The following ACBD5 variants were observed in gnomAD, a reference collection of about 807,000 sequenced individuals.
ACBD5 encodes the protein acyl-CoA binding domain containing 5.
Under a neutral mutation model 71.8 loss-of-function variants are expected in ACBD5, and 40 were observed. The ratio of observed to expected loss-of-function variants is 0.56; its 90% CI spans 0.43 to 0.72. ACBD5 has a LOEUF of 0.72. Among genes scored for constraint, ACBD5 ranks in the 30% least tolerant of loss-of-function variants. ACBD5 has a pLI of 0.00. For missense variants in ACBD5, 559 were observed against 644.5 expected (o/e 0.87, Z 1.44); for synonymous variants, 229 against 218.6 (o/e 1.05, Z -0.42).
chr10:27,239,919 G>T (rs1272702585), intron 2 of ACBD5, among the ~76,000 whole-genome samples: 1 of 152,090 alleles, frequency 6.6e-6, no homozygotes. Flanking sequence ...GCTAATTTTC[G>T]TATTTTTTAG....
chr10:27,190,457 C>G (rs973936254), downstream of ACBD5, among the ~76,000 whole-genome samples: 3 of 152,096 alleles, frequency 2.0e-5, no homozygotes, highest in Non-Finnish European at 2.9e-5. Context: ...TATTTGAACC[C>G]TAAGTACCCT....
At position 27,228,791 on chromosome 10, in the gene ACBD5, TTA is replaced by T. The variant is rs1169917244; in HGVS notation, c.375+2955_375+2956del. On this transcript the variant is annotated intron_variant, in intron 4 of 12. Transcript: ENST00000396271. ...TCTATAAAACATAATCCTATTATGT[TTA>T]TATATATATATATATATATATATTT... Among the ~76,000 whole-genome samples, 34 of 22,136 alleles carry T rather than the reference TTA, an allele frequency of 1.5e-3. 1 individual carries two copies. Among genetic ancestry groups the T allele is most frequent in the African/African-American group, 2.2e-3 (27 of 12,528 alleles). The allele number at this position is 22,136 out of a possible 152,430, so 14.5% of individuals were successfully genotyped here. A position where few individuals can be genotyped will look rare whatever the true frequency, so the allele number is the denominator to read the frequency against.
chr10:27,193,408 A>C (rs2059166044), downstream of ACBD5: 1 of 152,134 alleles, frequency 6.6e-6, no homozygotes, highest in African/African-American at 2.4e-5. Context: ...CCTGGGCAAC[A>C]GAGCGAGACT....
chr10:27,192,884 G>A (rs147348722), downstream of ACBD5, among the ~76,000 whole-genome samples: 14,490 of 151,510 alleles, frequency 0.096, 2,245 homozygotes, highest in African/African-American at 0.33. Context: ...GCAGAGAATT[G>A]CTTGAACCCA....
intron 2 of ACBD5, among the ~76,000 whole-genome samples, chr10:27,239,709 T>G (rs1446168398): frequency 6.6e-6 from 1 of 151,838 alleles, no homozygotes; most frequent in African/African-American, 2.4e-5. Flanking sequence ...CCTATGAGTG[T>G]GTGGCATTAG....
At chr10:27,216,196 A>G (rs1480474268) in intron 7 of ACBD5, among the ~76,000 whole-genome samples, 1 of 151,524 alleles carries the variant, frequency 6.6e-6, no homozygotes, top group East Asian at 2.0e-4. Flanking sequence ...GCTGGAGTGC[A>G]GTGGTGTGAT....
chr10:27,231,352 G>A (rs12411672), intron 4 of ACBD5, among the ~76,000 whole-genome samples: 17,004 of 152,002 alleles, frequency 0.11, 1,204 homozygotes, highest in South Asian at 0.19. Flanking sequence ...CAACATCTCT[G>A]CTAAAAATAC....
At chr10:27,232,840 C>G (rs374530376) in intron 3 of ACBD5, among the ~76,000 whole-genome samples, 1 of 151,930 alleles carries the variant, frequency 6.6e-6, no homozygotes, top group South Asian at 2.1e-4. Flanking sequence ...TGTTTTTCCC[C>G]GAAGGAGTTT....
chr10:27,186,312 AATTC>A (rs2058745431), intron 13 of ACBD5: 5 of 1,426,108 alleles, frequency 3.5e-6, no homozygotes, highest in Non-Finnish European at 5.0e-6. Context: ...TTTTTATAAT[AATTC>A]CTGTAAAGCA....
rs115388682 is a variant in ACBD5, at chr10:27,230,218, G to A, written c.375+1530C>T. 7.3e-3 allele frequency among the ~76,000 whole-genome samples: 1,101 copies of A among 151,022 alleles called. 14 individuals carry two copies. Among genetic ancestry groups the A allele is most frequent in the African/African-American group, 0.025 (1,049 of 41,194 alleles). ...TGACATAGTTAATAGCCAAAAGAACGAAACTCTGCCCTTGGTTACAAAGTC... is the reference window on the plus strand; with the variant it reads ...TGACATAGTTAATAGCCAAAAGAACAAAACTCTGCCCTTGGTTACAAAGTC... On this transcript the variant is annotated intron_variant, in intron 4 of 12. Transcript: ENST00000396271.
At chr10:27,238,366 A>G (rs369414729) in intron 2 of ACBD5, among the ~76,000 whole-genome samples, 10 of 152,372 alleles carry the variant, frequency 6.6e-5, no homozygotes, top group African/African-American at 2.4e-4. Flanking sequence ...GTGGTACATA[A>G]TGTCAACAGG....
downstream of ACBD5, among the ~76,000 whole-genome samples, chr10:27,192,203 C>CA (rs2059108441): frequency 6.7e-6 from 1 of 149,532 alleles, no homozygotes; most frequent in South Asian, 2.1e-4. Context: ...AAATATATGC[C>CA]AAAAAACTGG....
At position 27,240,173 on chromosome 10, in the gene ACBD5, T is replaced by C. The variant is rs567379845; in HGVS notation, c.181+146A>G. 1 of 1,257,630 alleles carries C rather than the reference T, an allele frequency of 8.0e-7. No individual in the cohort carries two copies. The highest frequency in any genetic ancestry group is 2.5e-5 in the East Asian group (1 of 40,030). 77.9% of individuals were successfully genotyped at this position (1,257,630 alleles called of 1,614,324 possible). A position where few individuals can be genotyped will look rare whatever the true frequency, so the allele number is the denominator to read the frequency against. On this transcript the variant is annotated intron_variant, in intron 2 of 12. Transcript: ENST00000396271. This position sits in a 1 kb window ranked among gnomAD's most constrained non-coding sequence, Gnocchi z 4.1. Reference sequence around the variant, plus strand: ...TCCGGTTTGGAAGATCAAAAGGTAATTAATTCATATTCAATAGCTCCCCTT... The same window carrying C: ...TCCGGTTTGGAAGATCAAAAGGTAACTAATTCATATTCAATAGCTCCCCTT...
chr10:27,231,846 G>A, intron 3 of ACBD5, 26 bp from the exon 4 acceptor site: 1 of 1,595,970 alleles, frequency 6.3e-7, no homozygotes, highest in East Asian at 2.2e-5. Context: ...TCCACAAAAT[G>A]ACAAAGAGAC....
chr10:27,220,319 T>C (rs1235707951), intron 5 of ACBD5: 1 of 153,550 alleles, frequency 6.5e-6, no homozygotes, highest in Admixed American at 6.5e-5. Context: ...TATCTGTCTT[T>C]ATGATATTTA....
rs752147433 is a variant in ACBD5, at chr10:27,184,554, AT to A, written c.1494-1840del. Among the ~76,000 whole-genome samples the A allele has an allele frequency of 4.9e-3, 416 of 84,826 alleles. 1 individual carries two copies. Among genetic ancestry groups the A allele is most frequent in the African/African-American group, 0.016 (340 of 21,316 alleles). 55.6% of individuals were successfully genotyped at this position (84,826 alleles called of 152,430 possible). On this transcript the variant is annotated intron_variant, in intron 13 of 13. Coordinates refer to the ACBD5 transcript ENST00000676511. ...AAAAACACTATCACATATAAGAAGG[AT>A]TTTTTTTTTTTTTTTTTTTTTTTGA...
rs1366746847 is a variant in ACBD5, at chr10:27,209,054, T to C, written c.1205-609A>G. Among the ~76,000 whole-genome samples, 3 of 152,128 alleles carry C rather than the reference T, an allele frequency of 2.0e-5. No homozygotes were observed. In the East Asian group the frequency reaches 5.8e-4, roughly 29 times the overall value. On this transcript the variant is annotated intron_variant, in intron 9 of 12. Transcript: ENST00000396271. Reference sequence around the variant, plus strand: ...ATTTGGAGTGCCTGCTCAAAAATTCTTTACTAATAAGGTAACCAGACTGAA... The same window carrying C: ...ATTTGGAGTGCCTGCTCAAAAATTCCTTACTAATAAGGTAACCAGACTGAA...
chr10:27,242,018 G>C (rs1450352173), upstream of ACBD5: 2 of 453,480 alleles, frequency 4.4e-6, no homozygotes, highest in East Asian at 1.4e-4. Flanking sequence ...GGCGCAGATC[G>C]TAAGTTACTC....
intron 5 of ACBD5, among the ~76,000 whole-genome samples, chr10:27,221,917 C>CAAAAAAAAAA (rs56253187): frequency 1.0e-4 from 8 of 77,140 alleles, no homozygotes; most frequent in Admixed American, 1.6e-4. Context: ...GACTCCATCT[C>CAAAAAAAAAA]AAAAAAAAAA....
Sources: gnomAD v4.1 joint callset for allele counts (sites outside exome capture counted in the v4.1 genomes callset) on GRCh38, gnomAD v4.1.1 for gene constraint, Gnocchi (gnomAD v3.1) non-coding constraint, MANE v1.5 for transcripts, NCBI Gene and HGNC (gene_info 2026-07-23, HGNC 2026-07-21) for gene names.